GRM7: variants seen among roughly 807,000 people sequenced by gnomAD.
GRM7 encodes the protein metabotropic glutamate receptor 7.
In GRM7, 35 loss-of-function variants were observed where a neutral mutation model predicts 84.5. The ratio of observed to expected loss-of-function variants is 0.41; its 90% CI spans 0.32 to 0.55. The LOEUF (loss-of-function observed/expected upper bound fraction) is 0.55. GRM7 is among the 20% of genes least tolerant of loss of function. The pLI is 0.19. For synonymous variants in GRM7, 487 were observed against 455.1 expected (o/e 1.07, Z -0.89); for missense variants, 1,003 against 1,194.6 (o/e 0.84, Z 2.36).
chr3:7,236,844 T>C (rs1697365214), intron 2 of GRM7, among the ~76,000 whole-genome samples: 1 of 152,166 alleles, frequency 6.6e-6, no homozygotes, highest in African/African-American at 2.4e-5. Flanking sequence ...AAACCACCCA[T>C]GGATTCCTGA....
At chr3:7,433,289 T>G (rs923493872) in intron 5 of GRM7, among the ~76,000 whole-genome samples, 3 of 152,228 alleles carry the variant, frequency 2.0e-5, no homozygotes, top group African/African-American at 7.2e-5. Context: ...CATGAGTTAT[T>G]TGGCATAATA....
At chr3:7,078,215 T>G (rs1163680299) in intron 1 of GRM7, among the ~76,000 whole-genome samples, 2 of 152,206 alleles carry the variant, frequency 1.3e-5, no homozygotes, top group African/African-American at 4.8e-5. Flanking sequence ...TAGGCTTGAT[T>G]TCCTCAGTGA....
chr3:7,170,994 C>T (rs1694966636), intron 2 of GRM7, among the ~76,000 whole-genome samples: 1 of 152,128 alleles, frequency 6.6e-6, no homozygotes. Flanking sequence ...TCTTATCCTC[C>T]TTTTTTTCTA....
At chr3:7,008,167 G>A (rs962421642) in intron 1 of GRM7, among the ~76,000 whole-genome samples, 1 of 151,966 alleles carries the variant, frequency 6.6e-6, no homozygotes, top group South Asian at 2.1e-4. Flanking sequence ...TTTTAACAGG[G>A]TCACCTAAAA....
At chr3:7,711,547 G>T (rs181524570) in intron 9 of GRM7, among the ~76,000 whole-genome samples, 41 of 152,244 alleles carry the variant, frequency 2.7e-4, no homozygotes, top group Admixed American at 2.7e-3. Flanking sequence ...TTGGAGTCTC[G>T]TAATCAAGAC....
intron 4 of GRM7, among the ~76,000 whole-genome samples, chr3:7,344,522 A>G (rs1413020308): frequency 3.3e-5 from 5 of 152,092 alleles, no homozygotes; most frequent in African/African-American, 1.2e-4. Context: ...TTTTTAAATA[A>G]TAAAAATTCA....
chr3:7,093,882 G>A (rs761629492), intron 1 of GRM7, among the ~76,000 whole-genome samples: 1 of 151,978 alleles, frequency 6.6e-6, no homozygotes, highest in Admixed American at 6.6e-5. Flanking sequence ...AGTATGTTTC[G>A]AGACTAACAA....
chr3:6,942,860 G>A (rs1307541008), intron 1 of GRM7, among the ~76,000 whole-genome samples: 1 of 152,090 alleles, frequency 6.6e-6, no homozygotes, highest in Non-Finnish European at 1.5e-5. Context: ...GAGATGTCCA[G>A]TTATTCTTTA....
intron 8 of GRM7, among the ~76,000 whole-genome samples, chr3:7,640,603 A>G (rs889693042): frequency 1.2e-4 from 19 of 152,318 alleles, no homozygotes; most frequent in African/African-American, 3.8e-4. Flanking sequence ...AATATATTCC[A>G]TTTTCTCTTT....
chr3:7,674,568 A>G (rs1275423941), intron 8 of GRM7, among the ~76,000 whole-genome samples: 1 of 152,240 alleles, frequency 6.6e-6, no homozygotes, highest in Non-Finnish European at 1.5e-5. Flanking sequence ...CAAGCTAATT[A>G]ACATACTCAT....
chr3:7,476,064 A>G (rs564846212), intron 7 of GRM7, among the ~76,000 whole-genome samples: 1 of 152,310 alleles, frequency 6.6e-6, no homozygotes, highest in Admixed American at 6.5e-5. Context: ...ATTTCAGAAG[A>G]GGTCATATGG....
At position 7,086,373 on chromosome 3, in the gene GRM7, C is replaced by CT. The variant is rs758612635; in HGVS notation, c.520-60079_520-60078insT. The stretch of plus-strand genomic sequence containing the variant: ...TCCTATAGAAATACAAGTTAGTATT[C>CT]CTTTAAACACACTTTTTTTGTTGTT... On this transcript the variant is annotated intron_variant, in intron 1 of 9. Coordinates refer to ENST00000357716, the MANE Select transcript of GRM7 (RefSeq NM_000844.4). Among the ~76,000 whole-genome samples, 444 of 96,312 alleles carry CT rather than the reference C, an allele frequency of 4.6e-3. 4 individuals carry two copies. The highest frequency in any genetic ancestry group is 6.4e-3 in the Non-Finnish European group (341 of 53,586). The allele number at this position is 96,312 out of a possible 152,430, so 63.2% of individuals were successfully genotyped here. A position where few individuals can be genotyped will look rare whatever the true frequency, so the allele number is the denominator to read the frequency against.
chr3:6,908,074 G>A (rs997285806), intron 1 of GRM7, among the ~76,000 whole-genome samples: 1 of 152,066 alleles, frequency 6.6e-6, no homozygotes, highest in African/African-American at 2.4e-5. Context: ...ATATCGTTTT[G>A]TTAAAGAAGA....
chr3:7,708,794 A>G (rs1701486021), intron 9 of GRM7, among the ~76,000 whole-genome samples: 1 of 152,116 alleles, frequency 6.6e-6, no homozygotes, highest in Admixed American at 6.6e-5. Flanking sequence ...ACCTCCGATG[A>G]GATGTGAGTT....
rs1050832626 is a variant in GRM7, at chr3:6,960,571, G to A, written c.519+98664G>A. Among the ~76,000 whole-genome samples the A allele has an allele frequency of 4.0e-4, 61 of 152,056 alleles. 1 individual carries two copies. The highest frequency in any genetic ancestry group is 2.8e-3 in the Admixed American group (42 of 15,260). Reference sequence around the variant, plus strand: ...TACCCAGAATTTATCCCTATAACCCGTTATATCCCTTAACTAACATAATCT... The same window carrying A: ...TACCCAGAATTTATCCCTATAACCCATTATATCCCTTAACTAACATAATCT... On this transcript the variant is annotated intron_variant, in intron 1 of 9. Coordinates refer to ENST00000357716, the MANE Select transcript of GRM7 (RefSeq NM_000844.4).
intron 2 of GRM7, among the ~76,000 whole-genome samples, chr3:7,244,640 C>T (rs1697689133): frequency 6.6e-6 from 1 of 152,050 alleles, no homozygotes; most frequent in South Asian, 2.1e-4. Context: ...GAACTCTGAA[C>T]CAAACTCCCA....
intron 2 of GRM7, among the ~76,000 whole-genome samples, chr3:7,169,002 A>G (rs1245618069): frequency 2.0e-5 from 3 of 152,214 alleles, no homozygotes; most frequent in Admixed American, 1.3e-4. Flanking sequence ...GTCTAAATGT[A>G]TGTATGCATT....
chr3:7,616,647 G>A (rs772805030), intron 8 of GRM7, among the ~76,000 whole-genome samples: 14 of 152,082 alleles, frequency 9.2e-5, no homozygotes, highest in Non-Finnish European at 1.5e-4. Context: ...AATCAAATAT[G>A]TATAGCTGAT....
intron 8 of GRM7, among the ~76,000 whole-genome samples, chr3:7,592,637 C>A (rs1009911825): frequency 7.2e-5 from 11 of 152,156 alleles, no homozygotes; most frequent in Non-Finnish European, 1.6e-4. Flanking sequence ...TCAAGCTGAT[C>A]CTCCCAAATA....
Sources: gnomAD v4.1 joint callset for allele counts (sites outside exome capture counted in the v4.1 genomes callset) on GRCh38, gnomAD v4.1.1 for gene constraint, MANE v1.5 for transcripts, NCBI Gene and HGNC (gene_info 2026-07-23, HGNC 2026-07-21) for gene names.